The following SRRM2 variants were observed in gnomAD, a reference collection of about 807,000 sequenced individuals.
SRRM2 encodes the protein serine/arginine repetitive matrix 2, also known as serine/arginine repetitive matrix protein 2.
In SRRM2, 30 loss-of-function variants were observed where a neutral mutation model predicts 213.8. That is an observed-to-expected ratio of 0.14 (90% CI 0.10 to 0.19). SRRM2 has a LOEUF of 0.19. Ranked by LOEUF, SRRM2 falls within the 10% of genes least tolerant of loss-of-function variation. SRRM2 has a pLI of 1.00. For missense variants in SRRM2, 4,904 were observed against 3,647.0 expected, an observed-to-expected ratio of 1.34 and a Z score of -8.88; for synonymous variants, 2,025 against 1,377.7, an observed-to-expected ratio of 1.47 and a Z score of -10.40.
intron 7 of SRRM2, 77 bp from the exon 8 acceptor site, chr16:2,759,275 C>G: frequency 6.2e-7 from 1 of 1,605,820 alleles, no homozygotes; most frequent in Non-Finnish European, 8.5e-7. Context: ...TGTCAACACT[C>G]CCTCTTTCCA....
chr16:2,753,246 C>G (rs1327223258), intron 1 of SRRM2, among the ~76,000 whole-genome samples: 1 of 152,222 alleles, frequency 6.6e-6, no homozygotes, highest in Non-Finnish European at 1.5e-5. Context: ...TGGACCCTTG[C>G]CCCCGGTTCC....
chr16:2,762,236 A>G lies in SRRM2; in HGVS notation c.1708A>G (p.Arg570Gly), dbSNP rs2068376835. 3.1e-6 allele frequency: 5 copies of G among 1,614,118 alleles called. No individual in the cohort carries two copies. The South Asian group carries it at 3.3e-5, about 11-fold the overall frequency. Residue 570 changes from arginine (R) to glycine (G), a missense_variant, in exon 11 of 15, where the codon AGG (arginine) becomes GGG (glycine). By Grantham distance (125) the Arg-to-Gly change is moderately radical (BLOSUM62 -2). Transcript: ENST00000301740. ...GTCCCACTCTAGATCCCCAGCCACT[A>G]GGGGTAGATCTCGTTCTAGAACACC... ...GRSHSRSPATRGRSRSRTPAR... is the reference protein window; with the variant it reads ...GRSHSRSPATGGRSRSRTPAR...
chr16:2,757,744 T>G lies in SRRM2; in HGVS notation c.351-37T>G, dbSNP rs372022889. Reference sequence around the variant, plus strand: ...GTGTTCTGAATATGGCTCTGTCCTTTATATTTCCTTCAGACTTTTGCCCTT... The same window carrying G: ...GTGTTCTGAATATGGCTCTGTCCTTGATATTTCCTTCAGACTTTTGCCCTT... On this transcript the variant is annotated intron_variant, in intron 3 of 14. Coordinates refer to ENST00000301740, the MANE Select transcript of SRRM2 (RefSeq NM_016333.4). 1.5e-4 allele frequency: 248 copies of G among 1,610,266 alleles called. 1 individual carries two copies. The highest frequency in any genetic ancestry group is 1.2e-3 in the Middle Eastern group (7 of 6,048).
rs759336536 is a variant in SRRM2 at position 2,770,453 on chromosome 16, G to T, written c.8123G>T (p.Arg2708Leu). The change falls in exon 13 of 15, where the codon CGG becomes CTG. Residue 2708 changes from arginine (R) to leucine (L), a missense_variant. Coordinates refer to ENST00000301740, the MANE Select transcript of SRRM2 (RefSeq NM_016333.4). ...CGTCCCTCGCCCCAGCCCTCACCACGGGACCAGCAGAGGTAAGGCCAACTG... is the reference window on the plus strand; with the variant it reads ...CGTCCCTCGCCCCAGCCCTCACCACTGGACCAGCAGAGGTAAGGCCAACTG... ...RRRPSPQPSP[R>L]DQQSSSSERG... 1.2e-6 allele frequency: 2 copies of T among 1,607,482 alleles called. No homozygotes were observed. Among genetic ancestry groups the T allele is most frequent in the East Asian group, 2.2e-5 (1 of 44,656 alleles).
Position 2,769,276 on chromosome 16 carries a change from C to G in SRRM2, c.8013C>G (p.Gly2671=). The G allele has an allele frequency of 2.6e-6, 4 of 1,559,072 alleles. No homozygotes were observed. The highest frequency in any genetic ancestry group is 3.5e-6 in the Non-Finnish European group (4 of 1,151,856). ...KPASPKKPPP[G]ERRSRSPRKP... ...CAAGCCCCAAGAAGCCACCCCCTGGCGAGCGGAGGTGAGTGCTGTCTTGCC... is the reference window on the plus strand; with the variant it reads ...CAAGCCCCAAGAAGCCACCCCCTGGGGAGCGGAGGTGAGTGCTGTCTTGCC... The change falls in exon 12 of 15, where the codon GGC becomes GGG. Residue 2671 remains glycine (G), a synonymous_variant. Coordinates refer to ENST00000301740, the MANE Select transcript of SRRM2 (RefSeq NM_016333.4).
chr16:2,758,752 G>C, intron 5 of SRRM2: 1 of 672,100 alleles, frequency 1.5e-6, no homozygotes, highest in Non-Finnish European at 2.5e-6. Flanking sequence ...AATTAAGATT[G>C]GCCAGCAGCA....
rs775228311 is a variant in SRRM2, at chr16:2,761,708, C to A, written c.1180C>A (p.Pro394Thr). The A allele has an allele frequency of 3.1e-6, 5 of 1,605,766 alleles. No homozygotes were observed. In the African/African-American group the frequency reaches 5.4e-5, roughly 17 times the overall value. The change falls in exon 11 of 15, where the codon CCA becomes ACA. Residue 394 changes from proline to threonine, a missense_variant. By Grantham distance (38) the Pro-to-Thr change is conservative. Transcript: ENST00000301740. ...CTTAAGCCAGGAGCCAGTGAACCCC[C>A]CATCTGAGGCCTCTCCAACTCGGGA... Reference protein sequence around the residue: ...TPLSQEPVNPPSEASPTRDRS... With the variant: ...TPLSQEPVNPTSEASPTRDRS...
At position 2,762,708 on chromosome 16, in the gene SRRM2, C is replaced by T. The variant is rs140438674; in HGVS notation, c.2180C>T (p.Ser727Phe). The T allele has an allele frequency of 5.9e-5, 96 of 1,614,206 alleles. No individual in the cohort carries two copies. The African/African-American group carries it at 1.1e-3, about 18-fold the overall frequency. ...CAAAGAAGAGGCAGATCTGGCTCAT[C>T]TTCAGAGCGGAAAAACAAATCCAGA... ...TPQRRGRSGSSSERKNKSRTS... is the reference protein window; with the variant it reads ...TPQRRGRSGSFSERKNKSRTS... Residue 727 changes from serine (S) to phenylalanine (F), a missense_variant, in exon 11 of 15, where the codon TCT becomes TTT. By Grantham distance (155) the Ser-to-Phe change is radical. Coordinates refer to ENST00000301740, the MANE Select transcript of SRRM2 (RefSeq NM_016333.4).
At chr16:2,758,366 T>C (rs1200387099) in intron 4 of SRRM2, 104 bp from the exon 5 acceptor site, 2 of 1,110,086 alleles carry the variant, frequency 1.8e-6, no homozygotes, top group Non-Finnish European at 2.7e-6. Context: ...GCGAGACTCT[T>C]ATTTTTTTAT....
At position 2,752,809 on chromosome 16, in the gene SRRM2, G is replaced by A. The variant is rs763345733; in HGVS notation, c.-69G>A. ...GGAGCTCGAGCAGCGGCGGCGGCAAGACCTCTCCCCCTCGGAGGCGGCGGG... is the reference window on the plus strand; with the variant it reads ...GGAGCTCGAGCAGCGGCGGCGGCAAAACCTCTCCCCCTCGGAGGCGGCGGG... On this transcript the variant is annotated 5_prime_UTR_variant, in exon 1 of 15. Transcript: ENST00000301740. 5.9e-6 allele frequency: 2 copies of A among 338,544 alleles called. No individual in the cohort carries two copies. The highest frequency in any genetic ancestry group is 1.2e-5 in the Non-Finnish European group (2 of 166,730). 21.0% of individuals were successfully genotyped at this position (338,544 alleles called of 1,614,324 possible).
Position 2,763,452 on chromosome 16 carries a change from C to G in SRRM2, c.2924C>G (p.Pro975Arg). ...TACAGTCATTCTGGGTCCTCCTCAC[C>G]AGATACCAAAGTGAAACCTGAAACA... ...PRYSHSGSSS[P>R]DTKVKPETPP... is the part of the protein sequence containing the mutation. Residue 975 changes from proline to arginine, a missense_variant, in exon 11 of 15, where the codon CCA becomes CGA. Transcript: ENST00000301740. The G allele has an allele frequency of 6.2e-7, 1 of 1,614,194 alleles. No individual in the cohort carries two copies. Among genetic ancestry groups the G allele is most frequent in the East Asian group, 2.2e-5 (1 of 44,890 alleles).
Position 2,770,480 on chromosome 16 carries a change from A to G in SRRM2, c.8135+15A>G, listed in dbSNP as rs761813890. 1.3e-6 allele frequency: 2 copies of G among 1,595,580 alleles called. No homozygotes were observed. Among genetic ancestry groups the G allele is most frequent in the Non-Finnish European group, 1.7e-6 (2 of 1,171,514 alleles). On this transcript the variant is annotated intron_variant, in intron 13 of 14. Coordinates refer to ENST00000301740, the MANE Select transcript of SRRM2 (RefSeq NM_016333.4). ...GACCAGCAGAGGTAAGGCCAACTGC[A>G]GGTGTCAGCACCCAGCCTGTCTGGC... is the stretch of plus-strand genomic sequence containing the variant.
chr16:2,768,190 C>G lies in SRRM2; in HGVS notation c.7662C>G (p.Ser2554=). 1 of 1,609,240 alleles carries G rather than the reference C, an allele frequency of 6.2e-7. No individual in the cohort carries two copies. The highest frequency in any genetic ancestry group is 8.5e-7 in the Non-Finnish European group (1 of 1,177,296). Residue 2554 remains serine (S), a synonymous_variant, in exon 11 of 15, where the codon TCC becomes TCG. Coordinates refer to ENST00000301740, the MANE Select transcript of SRRM2 (RefSeq NM_016333.4). ...CATCATCGTCGTCGTCGTCCTCCTC[C>G]TCCTCTGGCTCCAGTTCTAGTGACT... ...SSSSSSSSSS[S]SSGSSSSDSE... is the part of the protein sequence containing the mutation.
intron 10 of SRRM2, among the ~76,000 whole-genome samples, chr16:2,761,011 C>T (rs983676663): frequency 8.5e-5 from 13 of 152,216 alleles, no homozygotes; most frequent in Admixed American, 1.3e-4. Flanking sequence ...TCCAGGGTTA[C>T]CTTTCCAAAT....
chr16:2,758,342 C>A, intron 4 of SRRM2, 128 bp from the exon 5 acceptor site: 1 of 881,558 alleles, frequency 1.1e-6, no homozygotes, highest in Non-Finnish European at 1.8e-6. Context: ...CTGCACCCCA[C>A]CTGAGGCAAC....
Position 2,765,834 on chromosome 16 carries a change from G to A in SRRM2, c.5306G>A (p.Gly1769Glu). ...RGRSPSPKPR[G>E]LQRSRSRSRR... ...CGCTCTCCTTCGCCAAAGCCTCGTGGACTCCAGAGGTCCCGTTCCCGCTCA... is the reference window on the plus strand; with the variant it reads ...CGCTCTCCTTCGCCAAAGCCTCGTGAACTCCAGAGGTCCCGTTCCCGCTCA... The change falls in exon 11 of 15, where the codon GGA becomes GAA. Residue 1769 changes from glycine to glutamate, a missense_variant. By Grantham distance (98) the Gly-to-Glu change is moderately conservative. Coordinates refer to ENST00000301740, the MANE Select transcript of SRRM2 (RefSeq NM_016333.4). 6.2e-7 allele frequency: 1 copy of A among 1,614,104 alleles called. No individual in the cohort carries two copies. The highest frequency in any genetic ancestry group is 8.5e-7 in the Non-Finnish European group (1 of 1,180,026).
In SRRM2 at chr16:2,771,097, G is replaced by GGCTGGA; in HGVS notation, c.*230_*231insGCTGGA. On this transcript the variant is annotated 3_prime_UTR_variant, in exon 15 of 15. Coordinates refer to ENST00000301740, the MANE Select transcript of SRRM2 (RefSeq NM_016333.4). Reference sequence around the variant, plus strand: ...GTTCTGGGGGGTTTGGGGTGGGAGGGAATGCAGATGGGAGTTGGGGGAGGG... The same window carrying GGCTGGA: ...GTTCTGGGGGGTTTGGGGTGGGAGGGGCTGGAAATGCAGATGGGAGTTGGGGGAGGG... The GGCTGGA allele has an allele frequency of 3.0e-6, 1 of 336,638 alleles. No individual in the cohort carries two copies. The highest frequency in any genetic ancestry group is 5.7e-6 in the Non-Finnish European group (1 of 174,698). The allele number at this position is 336,638 out of a possible 1,614,324, so 20.9% of individuals were successfully genotyped here. A position where few individuals can be genotyped will look rare whatever the true frequency, so the allele number is the denominator to read the frequency against.
chr16:2,753,144 C>T (rs12918081), intron 1 of SRRM2, among the ~76,000 whole-genome samples: 8,427 of 152,102 alleles, frequency 0.055, 352 homozygotes, highest in Non-Finnish European at 0.086. Context: ...TTCACTCCTC[C>T]CCCCAACATG....
chr16:2,753,010 C>T (rs1052647060), intron 1 of SRRM2, among the ~76,000 whole-genome samples, 164 bp downstream of exon 1: 1 of 150,662 alleles, frequency 6.6e-6, no homozygotes, highest in Non-Finnish European at 1.5e-5. Context: ...TCCCCCTTCC[C>T]GCCGTTCCTG....
Sources: gnomAD v4.1 joint callset for allele counts (sites outside exome capture counted in the v4.1 genomes callset) on GRCh38, gnomAD v4.1.1 for gene constraint, MANE v1.5 for transcripts, NCBI Gene and HGNC (gene_info 2026-07-23, HGNC 2026-07-21) for gene names.